Variants in HLA-DRB1 observed in about 807,000 individuals in gnomAD.
HLA-DRB1 encodes major histocompatibility complex, class II, DR beta 1.
Under a neutral mutation model 27.9 loss-of-function variants are expected in HLA-DRB1, and 10 were observed. The ratio of observed to expected loss-of-function variants is 0.36; its 90% CI spans 0.22 to 0.61. The LOEUF is 0.61. Ranked by LOEUF, HLA-DRB1 falls within the 20% of genes least tolerant of loss-of-function variation. The pLI, the probability that HLA-DRB1 is intolerant of heterozygous loss-of-function variation, is 0.73. For synonymous variants in HLA-DRB1, 57 were observed against 126.7 expected (o/e 0.45, Z 3.69); for missense variants, 118 against 306.3 (o/e 0.39, Z 4.59).
At chr6:32,588,250 G>A (rs542744272) in intron 1 of HLA-DRB1, among the ~76,000 whole-genome samples, 408 of 142,290 alleles carry the variant, frequency 2.9e-3, no homozygotes, top group African/African-American at 0.01. Context: ...GAGTCCAGCA[G>A]TTCAAGACCA....
chr6:32,581,317 T>G (rs1439219101), intron 3 of HLA-DRB1, among the ~76,000 whole-genome samples: 1 of 83,040 alleles, frequency 1.2e-5, no homozygotes, highest in Non-Finnish European at 2.5e-5. Context: ...ACCTGCAAAA[T>G]CATGGGGAGG....
chr6:32,582,230 A>G (rs35411364), intron 2 of HLA-DRB1, among the ~76,000 whole-genome samples: 1 of 141,396 alleles, frequency 7.1e-6, no homozygotes, highest in Non-Finnish European at 1.5e-5. Context: ...CAACTTTGTC[A>G]CCTACAATGA....
In HLA-DRB1 at chr6:32,584,778, C is replaced by T. The variant is rs377055323; in HGVS notation, c.101-400G>A. On this transcript the variant is annotated intron_variant, in intron 1 of 5. Coordinates refer to ENST00000360004, the Ensembl canonical transcript of HLA-DRB1. ...TTCAACAGCACCCACCGCGTTCACC[C>T]TGTGAACACTTCCTTAGTGATGACC... Among the ~76,000 whole-genome samples the T allele has an allele frequency of 4.1e-3, 415 of 100,930 alleles. 4 individuals carry two copies. The East Asian group carries it at 0.079, about 19-fold the overall frequency. 66.2% of individuals were successfully genotyped at this position (100,930 alleles called of 152,430 possible).
chr6:32,586,516 A>T, intron 1 of HLA-DRB1, among the ~76,000 whole-genome samples: 1 of 80,250 alleles, frequency 1.2e-5, no homozygotes, highest in Non-Finnish European at 2.4e-5. Context: ...GTTTTTCTCC[A>T]GCATCCTTGG....
Position 32,583,975 on chromosome 6 carries a change from T to G in HLA-DRB1, c.370+134A>C, listed in dbSNP as rs564794849. On this transcript the variant is annotated intron_variant, in intron 2 of 5. Coordinates refer to ENST00000360004, the Ensembl canonical transcript of HLA-DRB1. Reference sequence around the variant, plus strand: ...GATTCTAAATGCTCACAGATGGCGCTCTCTCTCTCTCTTCCTCTCTCTGTC... The same window carrying G: ...GATTCTAAATGCTCACAGATGGCGCGCTCTCTCTCTCTTCCTCTCTCTGTC... 1.1e-3 allele frequency: 231 copies of G among 209,640 alleles called. 64 individuals are homozygous for G. The highest frequency in any genetic ancestry group is 3.4e-3 in the African/African-American group (35 of 10,296). The allele number at this position is 209,640 out of a possible 1,614,324, so 13.0% of individuals were successfully genotyped here.
rs9269958 is a variant in HLA-DRB1 at position 32,584,366 on chromosome 6, C to T, written c.113G>A (p.Trp38Ter). ...GAAATGACACTCCCTCTTAGGCTGC[C>T]ACAGGAAACGTGCTGTGGGGACACG... The change falls in exon 2 of 6, where the codon TGG becomes TAG. Residue 38 changes from tryptophan (W) to a stop codon, truncating the protein, a stop_gained. Transcript: ENST00000360004. LOFTEE classifies it high-confidence loss of function. The T allele has an allele frequency of 0.13, 86,513 of 683,242 alleles. 4,274 individuals are homozygous for T. The highest frequency in any genetic ancestry group is 0.26 in the African/African-American group (8,779 of 34,414). The allele number at this position is 683,242 out of a possible 1,614,324, so 42.3% of individuals were successfully genotyped here.
exon 4 of HLA-DRB1, chr6:32,580,759 G>A (rs778993299): frequency 1.4e-5 from 23 of 1,612,126 alleles, no homozygotes; most frequent in Non-Finnish European, 1.9e-5. Context: ...TCTGATTCCT[G>A]AAGTAGATGA....
At chr6:32,580,768 G>A (rs201168487) in exon 4 of HLA-DRB1, 217,997 of 1,350,354 alleles carry the variant, frequency 0.16, 13 homozygotes, top group East Asian at 0.22. Flanking sequence ...TGAAGTAGAT[G>A]AACAGCCCGG....
chr6:32,584,449 G>T (rs144353907), intron 1 of HLA-DRB1, 71 bp from the exon 2 acceptor site: 1 of 660,096 alleles, frequency 1.5e-6, no homozygotes, highest in South Asian at 1.9e-5. Flanking sequence ...GCCACCATCC[G>T]GGGCTCCCTG....
rs17885129 is a variant in HLA-DRB1 at position 32,584,222 on chromosome 6, T to C, written c.257A>G (p.Asp86Gly). 9.8e-3 allele frequency: 12,489 copies of C among 1,280,408 alleles called. 469 individuals are homozygous for C. The highest frequency in any genetic ancestry group is 0.064 in the East Asian group (2,131 of 33,370). The allele number at this position is 1,280,408 out of a possible 1,614,324, so 79.3% of individuals were successfully genotyped here. Residue 86 changes from aspartate (D) to glycine (G), a missense_variant, in exon 2 of 6, where the codon GAC becomes GGC. Coordinates refer to ENST00000360004, the Ensembl canonical transcript of HLA-DRB1. The stretch of plus-strand genomic sequence containing the variant: ...CTTCTGGCTGTTCCAGTACTCAGCG[T>C]CAGGCCGCCCCAGCTCCGTCACCGC...
At chr6:32,585,939 T>C (rs9270049) in intron 1 of HLA-DRB1, among the ~76,000 whole-genome samples, 70,171 of 89,906 alleles carry the variant, frequency 0.78, 29,533 homozygotes, top group Middle Eastern at 0.86. Context: ...TACACAGTCA[T>C]TGCAAAATGT....
Position 32,582,070 on chromosome 6 carries a change from A to G in HLA-DRB1, c.371-232T>C, listed in dbSNP as rs531038686. Among the ~76,000 whole-genome samples the G allele has an allele frequency of 7.2e-3, 764 of 106,388 alleles. 7 individuals are homozygous for G. Among genetic ancestry groups the G allele is most frequent in the South Asian group, 0.028 (84 of 3,042 alleles). The allele number at this position is 106,388 out of a possible 152,430, so 69.8% of individuals were successfully genotyped here. A position where few individuals can be genotyped will look rare whatever the true frequency, so the allele number is the denominator to read the frequency against. On this transcript the variant is annotated intron_variant, in intron 2 of 5. Transcript: ENST00000360004. ...TGTGTTTGTTTCTTCATAGTTTTAAATCGGCATGCATTGTCAAACTGTTTA... is the reference window on the plus strand; with the variant it reads ...TGTGTTTGTTTCTTCATAGTTTTAAGTCGGCATGCATTGTCAAACTGTTTA...
intron 1 of HLA-DRB1, among the ~76,000 whole-genome samples, chr6:32,588,813 A>C (rs1248777823): frequency 2.7e-5 from 3 of 109,458 alleles, no homozygotes; most frequent in Middle Eastern, 4.5e-3. Context: ...CATATAATTT[A>C]TACATTAGTT....
chr6:32,581,227 A>C (rs41288057), intron 3 of HLA-DRB1, among the ~76,000 whole-genome samples: 1 of 79,124 alleles, frequency 1.3e-5, no homozygotes. Flanking sequence ...ATCACAAAAA[A>C]TAACTCAGAG....
intron 3 of HLA-DRB1, among the ~76,000 whole-genome samples, chr6:32,581,317 T>C (rs1439219101): frequency 1.2e-5 from 1 of 82,988 alleles, no homozygotes; most frequent in Non-Finnish European, 2.5e-5. Context: ...ACCTGCAAAA[T>C]CATGGGGAGG....
intron 5 of HLA-DRB1, among the ~76,000 whole-genome samples, chr6:32,579,823 G>GCTTCA (rs1203638017): frequency 2.5e-5 from 1 of 40,460 alleles, no homozygotes; most frequent in African/African-American, 9.0e-5. Context: ...CCTCTTGTAG[G>GCTTCA]CCGGGCGCGG....
At chr6:32,580,698 TC>T in intron 4 of HLA-DRB1, 47 bp downstream of exon 4, 1 of 1,519,782 alleles carries the variant, frequency 6.6e-7, no homozygotes. Flanking sequence ...CCATAGTTCC[TC>T]CTCCAGAAAA....
At chr6:32,582,180 C>T (rs552539078) in intron 2 of HLA-DRB1, among the ~76,000 whole-genome samples, 1,687 of 115,244 alleles carry the variant, frequency 0.015, 64 homozygotes, top group Middle Eastern at 0.049. Context: ...CTGCCTTTTA[C>T]TGGTTGATCC....
rs1581757294 is a variant in HLA-DRB1, at chr6:32,579,820, T to TA, written c.787+426dup. 1.1e-4 allele frequency among the ~76,000 whole-genome samples: 5 copies of TA among 44,250 alleles called. 1 individual carries two copies. The highest frequency in any genetic ancestry group is 1.9e-4 in the Non-Finnish European group (4 of 21,564). 29.0% of individuals were successfully genotyped at this position (44,250 alleles called of 152,430 possible). A position where few individuals can be genotyped will look rare whatever the true frequency, so the allele number is the denominator to read the frequency against. On this transcript the variant is annotated intron_variant, in intron 5 of 5. Coordinates refer to ENST00000360004, the Ensembl canonical transcript of HLA-DRB1. ...GATTGGTGCATTTAGAAACCTCTTG[T>TA]AGGCCGGGCGCGGTGGCTCACGCCT...
Sources: gnomAD v4.1 joint callset for allele counts (sites outside exome capture counted in the v4.1 genomes callset) on GRCh38, gnomAD v4.1.1 for gene constraint, MANE v1.5 for transcripts, NCBI Gene and HGNC (gene_info 2026-07-23, HGNC 2026-07-21) for gene names.